Variants in FAF1 observed in about 807,000 individuals in gnomAD.
The protein encoded by FAF1 is FAS-associated factor 1.
FAF1 carries 25 observed loss-of-function variants against 92.5 expected under a neutral mutation model. The observed-to-expected ratio is 0.27, with a 90% CI of 0.20 to 0.38. The LOEUF is 0.38. Ranked by LOEUF, FAF1 falls within the 10% of genes least tolerant of loss-of-function variation. The probability of loss-of-function intolerance (pLI) is 1.00; values close to 1 mark genes in which losing one functional copy is unlikely to be tolerated. For synonymous variants in FAF1, 234 were observed against 273.2 expected, an observed-to-expected ratio of 0.86 and a Z score of 1.42; for missense variants, 636 against 793.3, an observed-to-expected ratio of 0.80 and a Z score of 2.38.
intron 2 of FAF1, among the ~76,000 whole-genome samples, chr1:50,817,812 C>A (rs868738943): frequency 2.6e-5 from 4 of 151,994 alleles, no homozygotes; most frequent in Non-Finnish European, 4.4e-5. Context: ...ACAATTTACT[C>A]TTTAAATAGG....
intron 1 of FAF1, among the ~76,000 whole-genome samples, chr1:50,916,561 C>G (rs1293879201): frequency 1.3e-5 from 2 of 152,196 alleles, no homozygotes; most frequent in Non-Finnish European, 2.9e-5. Context: ...AAATGAACCT[C>G]TCTAAACGTA....
At chr1:50,800,518 T>C (rs950067266) in intron 3 of FAF1, among the ~76,000 whole-genome samples, 2 of 152,196 alleles carry the variant, frequency 1.3e-5, no homozygotes, top group African/African-American at 4.8e-5. Context: ...CAGAAGTTGG[T>C]AGAAACTCTA....
chr1:50,662,828 G>C (rs1032778130), intron 7 of FAF1, among the ~76,000 whole-genome samples: 1 of 147,734 alleles, frequency 6.8e-6, no homozygotes, highest in African/African-American at 2.6e-5. Flanking sequence ...AGCCTCCCGA[G>C]TAGCTGGGAC....
At chr1:50,722,664 A>AAAAG (rs1658462992) in intron 6 of FAF1, among the ~76,000 whole-genome samples, 1 of 151,278 alleles carries the variant, frequency 6.6e-6, no homozygotes, top group African/African-American at 2.4e-5. Context: ...AAAAAAAAAA[A>AAAAG]GCCCTATAAA....
chr1:50,697,867 C>T (rs1405602470), intron 7 of FAF1, among the ~76,000 whole-genome samples: 1 of 151,930 alleles, frequency 6.6e-6, no homozygotes, highest in Non-Finnish European at 1.5e-5. Flanking sequence ...TATTGAGCAG[C>T]AGGATTTTTT....
At chr1:50,937,161 T>C (rs1645091537) in intron 1 of FAF1, among the ~76,000 whole-genome samples, 1 of 152,044 alleles carries the variant, frequency 6.6e-6, no homozygotes, top group South Asian at 2.1e-4. Context: ...TGTGTCAAAA[T>C]TTTAAGGTAT....
rs1429653007 is a variant in FAF1 at position 50,535,440 on chromosome 1, C to G, written c.1423G>C (p.Glu475Gln). Reference sequence around the variant, plus strand: ...GCAGCCATGAGTCTCATCATTAACTCATCTACTGTTGTGTTCCCTAAAAAC... The same window carrying G: ...GCAGCCATGAGTCTCATCATTAACTGATCTACTGTTGTGTTCCCTAAAAAC... ...NVIQGNTTVD[E>Q]LMMRLMAAME... Residue 475 changes from glutamate to glutamine, a missense_variant, in exon 15 of 19, where the codon GAG becomes CAG. Glu to Gln is a conservative substitution (Grantham distance 29). Coordinates refer to ENST00000396153, the MANE Select transcript of FAF1 (RefSeq NM_007051.3). The G allele has an allele frequency of 6.2e-7, 1 of 1,609,492 alleles. No homozygotes were observed. Among genetic ancestry groups the G allele is most frequent in the Admixed American group, 1.7e-5 (1 of 59,932 alleles).
chr1:50,930,631 C>T (rs1226316531), intron 1 of FAF1, among the ~76,000 whole-genome samples: 5 of 152,028 alleles, frequency 3.3e-5, no homozygotes, highest in South Asian at 2.1e-4. Flanking sequence ...GTCAGGAGAT[C>T]GAGACCATCC....
intron 4 of FAF1, among the ~76,000 whole-genome samples, chr1:50,751,083 G>C (rs1659847115): frequency 1.5e-5 from 2 of 134,814 alleles, no homozygotes; most frequent in Non-Finnish European, 3.1e-5. Context: ...TAAACAAGCT[G>C]TACATCCCCA....
At chr1:50,664,843 C>A (rs866693030) in intron 7 of FAF1, among the ~76,000 whole-genome samples, 1 of 152,158 alleles carries the variant, frequency 6.6e-6, no homozygotes, top group Admixed American at 6.5e-5. Flanking sequence ...GTTTTCCTAT[C>A]GTAGGCTAGC....
chr1:50,808,010 G>A (rs550964737), intron 2 of FAF1, among the ~76,000 whole-genome samples: 1 of 152,176 alleles, frequency 6.6e-6, no homozygotes, highest in South Asian at 2.1e-4. Context: ...CAGCTAGGAA[G>A]AAGGAGGTCA....
chr1:50,596,963 T>G (rs1173351666), intron 8 of FAF1, among the ~76,000 whole-genome samples: 1 of 152,186 alleles, frequency 6.6e-6, no homozygotes, highest in African/African-American at 2.4e-5. Context: ...GGGAAGATGA[T>G]GAATATACAT....
chr1:50,833,267 C>A (rs1050687861), intron 2 of FAF1, among the ~76,000 whole-genome samples: 7 of 152,070 alleles, frequency 4.6e-5, no homozygotes, highest in Non-Finnish European at 1.0e-4. Context: ...CAACCCCCTC[C>A]TGAGGTCTGA....
At chr1:50,581,409 T>C (rs1650982487) in intron 12 of FAF1, among the ~76,000 whole-genome samples, 1 of 152,164 alleles carries the variant, frequency 6.6e-6, no homozygotes, top group African/African-American at 2.4e-5. Flanking sequence ...TCAAACTCCT[T>C]GCCCTCTTTA....
chr1:50,872,530 T>C (rs911936698), intron 1 of FAF1, among the ~76,000 whole-genome samples: 3 of 152,198 alleles, frequency 2.0e-5, no homozygotes, highest in African/African-American at 7.2e-5. Flanking sequence ...TGACATAACC[T>C]TAACTGATAA....
chr1:50,666,129 CA>C (rs57489116), intron 7 of FAF1, among the ~76,000 whole-genome samples: 1,589 of 122,508 alleles, frequency 0.013, 13 homozygotes, highest in African/African-American at 0.034. Context: ...GAGCCCAGAT[CA>C]AAAAAAAAAA....
chr1:50,734,138 T>A (rs1203968194), intron 6 of FAF1, among the ~76,000 whole-genome samples: 1 of 152,152 alleles, frequency 6.6e-6, no homozygotes, highest in African/African-American at 2.4e-5. Context: ...GTTTACATTT[T>A]TCCTACTTGC....
chr1:50,543,372 T>TA (rs1648848185), intron 13 of FAF1, among the ~76,000 whole-genome samples: 1 of 152,072 alleles, frequency 6.6e-6, no homozygotes, highest in Admixed American at 6.6e-5. Context: ...GAATATTTGA[T>TA]AAAAAATAGA....
chr1:50,560,521 T>C (rs1018055916), intron 13 of FAF1, among the ~76,000 whole-genome samples: 2 of 152,256 alleles, frequency 1.3e-5, no homozygotes, highest in Non-Finnish European at 2.9e-5. Context: ...CCAAGCACTA[T>C]TGGCAACTCC....
Sources: gnomAD v4.1 joint callset for allele counts (sites outside exome capture counted in the v4.1 genomes callset) on GRCh38, gnomAD v4.1.1 for gene constraint, MANE v1.5 for transcripts, NCBI Gene and HGNC (gene_info 2026-07-23, HGNC 2026-07-21) for gene names.